MNS1: variants seen among roughly 807,000 people sequenced by gnomAD.
MNS1 encodes meiosis specific nuclear structural 1, also known as meiosis-specific nuclear structural protein 1.
Under a neutral mutation model 72.0 loss-of-function variants are expected in MNS1, and 63 were observed. The ratio of observed to expected loss-of-function variants is 0.87; its 90% CI spans 0.71 to 1.08. The LOEUF is 1.08. Ranked by LOEUF, MNS1 falls within the 50% of genes least tolerant of loss-of-function variation. The pLI is 0.00. For synonymous variants in MNS1, 188 were observed against 172.1 expected (o/e 1.09, Z -0.72); for missense variants, 604 against 562.4 (o/e 1.07, Z -0.75).
intron 2 of MNS1, among the ~76,000 whole-genome samples, chr15:56,463,410 T>C (rs916596811): frequency 3.9e-5 from 6 of 152,208 alleles, no homozygotes; most frequent in Non-Finnish European, 8.8e-5. Flanking sequence ...TCCAAGAGTC[T>C]TGCATGTATT....
intron 2 of MNS1, among the ~76,000 whole-genome samples, chr15:56,460,009 A>AAAAAAAAAAAAAAAAATATATAT: frequency 3.8e-5 from 1 of 26,388 alleles, no homozygotes; most frequent in African/African-American, 1.5e-4. Flanking sequence ...AAAAAAAAAA[A>AAAAAAAAAAAAAAAAATATATAT]ATACATATAT....
chr15:56,460,385 A>C, intron 2 of MNS1, among the ~76,000 whole-genome samples: 1 of 152,152 alleles, frequency 6.6e-6, no homozygotes. Flanking sequence ...CAGGACACAT[A>C]GCCACATTCC....
At chr15:56,433,737 A>T (rs1251630825) in intron 8 of MNS1, among the ~76,000 whole-genome samples, 2 of 152,170 alleles carry the variant, frequency 1.3e-5, no homozygotes, top group African/African-American at 4.8e-5. Context: ...CTTCCCTTAG[A>T]AAAGCCCACC....
At chr15:56,430,803 G>T (rs1282989331) in intron 9 of MNS1, among the ~76,000 whole-genome samples, 1 of 152,062 alleles carries the variant, frequency 6.6e-6, no homozygotes, top group Non-Finnish European at 1.5e-5. Flanking sequence ...TCTCATCTTT[G>T]GCATGTAAGT....
chr15:56,429,168 A>G lies in MNS1; in HGVS notation c.1421T>C (p.Ile474Thr), dbSNP rs748822915. The G allele has an allele frequency of 6.3e-6, 10 of 1,597,874 alleles. No individual in the cohort carries two copies. In the East Asian group the frequency reaches 6.8e-5, roughly 11 times the overall value. ...CCTGAACTCTTCACCAAGCAGATCA[A>G]TATCATCCTCTTTTTTAAATACTCC... ...PKGVFKKEDDIDLLGEEFRKV... is the reference protein window; with the variant it reads ...PKGVFKKEDDTDLLGEEFRKV... Residue 474 changes from isoleucine to threonine, a missense_variant, in exon 10 of 10, where the codon ATT becomes ACT. Physicochemically the swap from Ile to Thr is moderately conservative, Grantham distance 89 (BLOSUM62 -1). Transcript: ENST00000260453.
At chr15:56,452,484 T>C (rs895656456) in intron 3 of MNS1, among the ~76,000 whole-genome samples, 1 of 151,966 alleles carries the variant, frequency 6.6e-6, no homozygotes, top group Non-Finnish European at 1.5e-5. Flanking sequence ...AGAAAATGGG[T>C]ATTCAGTATA....
At chr15:56,436,232 A>C (rs1167407215) in intron 7 of MNS1, among the ~76,000 whole-genome samples, 2 of 152,196 alleles carry the variant, frequency 1.3e-5, no homozygotes, top group African/African-American at 4.8e-5. Flanking sequence ...CAAATGTAAA[A>C]GAACAGAAAT....
At chr15:56,461,679 A>AC (rs1346081624) in intron 2 of MNS1, among the ~76,000 whole-genome samples, 18 of 151,228 alleles carry the variant, frequency 1.2e-4, no homozygotes, top group Non-Finnish European at 1.5e-4. Context: ...AAAAAAAAAA[A>AC]AAACGACACA....
At chr15:56,438,478 T>C (rs1391358472) in intron 7 of MNS1, among the ~76,000 whole-genome samples, 1 of 152,076 alleles carries the variant, frequency 6.6e-6, no homozygotes, top group Non-Finnish European at 1.5e-5. Flanking sequence ...CCTTACACCT[T>C]ATACAAAAAT....
chr15:56,455,265 A>AC (rs1456839551), intron 3 of MNS1, among the ~76,000 whole-genome samples: 13 of 143,588 alleles, frequency 9.1e-5, no homozygotes, highest in South Asian at 2.2e-4. Flanking sequence ...AAAAAAAAAA[A>AC]AAAAAACCAT....
intron 9 of MNS1, chr15:56,430,050 A>T (rs2050531737): frequency 6.6e-6 from 1 of 152,206 alleles, no homozygotes; most frequent in Non-Finnish European, 1.5e-5. Context: ...GGCAGTAATT[A>T]CCTATATATC....
intron 8 of MNS1, among the ~76,000 whole-genome samples, chr15:56,432,570 T>C (rs1325136896): frequency 1.2e-4 from 19 of 152,196 alleles, no homozygotes; most frequent in Non-Finnish European, 2.4e-4. Flanking sequence ...CAGCTTCATA[T>C]TGGGAACATT....
At position 56,429,014 on chromosome 15, in the gene MNS1, T is replaced by C; in HGVS notation, c.*87A>G. The C allele has an allele frequency of 1.4e-6, 1 of 696,554 alleles. No homozygotes were observed. Among genetic ancestry groups the C allele is most frequent in the Non-Finnish European group, 2.3e-6 (1 of 428,614 alleles). The allele number at this position is 696,554 out of a possible 1,614,324, so 43.1% of individuals were successfully genotyped here. On this transcript the variant is annotated 3_prime_UTR_variant, in exon 10 of 10. Transcript: ENST00000260453. ...AAAATCCAAACAGACAATGGATACC[T>C]AATGCCACTGAACTGTAAAACAAAA...
chr15:56,451,641 G>T (rs1229297619), intron 3 of MNS1, among the ~76,000 whole-genome samples: 2 of 152,062 alleles, frequency 1.3e-5, no homozygotes, highest in Non-Finnish European at 2.9e-5. Flanking sequence ...TTTCAATTTT[G>T]ATTATAGACA....
At chr15:56,464,414 T>C (rs555948944) in intron 1 of MNS1, among the ~76,000 whole-genome samples, 167 bp from the exon 2 acceptor site, 5 of 152,346 alleles carry the variant, frequency 3.3e-5, no homozygotes, top group Admixed American at 3.3e-4. Context: ...TATGTTCACA[T>C]ATCGATTAAA....
chr15:56,463,952 G>A, intron 2 of MNS1, 74 bp downstream of exon 2: 3 of 1,193,868 alleles, frequency 2.5e-6, no homozygotes, highest in Admixed American at 2.1e-5. Flanking sequence ...CTCATTTCCA[G>A]CATTAACAGC....
chr15:56,439,013 A>G (rs1355543076), intron 7 of MNS1, among the ~76,000 whole-genome samples: 1 of 152,110 alleles, frequency 6.6e-6, no homozygotes, highest in Admixed American at 6.6e-5. Context: ...AGGAAGAAAC[A>G]GCCTGTAGCT....
At chr15:56,442,424 A>G (rs1644272795) in intron 7 of MNS1, among the ~76,000 whole-genome samples, 1 of 152,184 alleles carries the variant, frequency 6.6e-6, no homozygotes, top group Non-Finnish European at 1.5e-5. Context: ...TTTTACCATA[A>G]TGACACATGC....
chr15:56,446,059 T>C (rs1178297351), intron 4 of MNS1: 1 of 152,000 alleles, frequency 6.6e-6, no homozygotes, highest in African/African-American at 2.4e-5. Context: ...CACACACATA[T>C]ATGTGTCATT....
Sources: gnomAD v4.1 joint callset for allele counts (sites outside exome capture counted in the v4.1 genomes callset) on GRCh38, gnomAD v4.1.1 for gene constraint, MANE v1.5 for transcripts, NCBI Gene and HGNC (gene_info 2026-07-23, HGNC 2026-07-21) for gene names.